NAV1: variants seen among roughly 807,000 people sequenced by gnomAD.
The protein encoded by NAV1 is neuron navigator 1.
Under a neutral mutation model 175.2 loss-of-function variants are expected in NAV1, and 18 were observed. The ratio of observed to expected loss-of-function variants is 0.10; its 90% CI spans 0.07 to 0.15. The LOEUF (loss-of-function observed/expected upper bound fraction) is 0.15. Among genes scored for constraint, NAV1 ranks in the 10% least tolerant of loss-of-function variants. NAV1 has a pLI of 1.00. For synonymous variants in NAV1, 897 were observed against 978.7 expected (o/e 0.92, Z 1.56); for missense variants, 1,731 against 2,436.6 (o/e 0.71, Z 6.10).
intron 3 of NAV1, among the ~76,000 whole-genome samples, chr1:201,753,393 G>A (rs915042475): frequency 7.9e-5 from 12 of 152,244 alleles, no homozygotes; most frequent in African/African-American, 2.9e-4. Context: ...ATTAAATTCC[G>A]CTATCCACTG....
At chr1:201,761,133 A>G (rs1052195314) in intron 3 of NAV1, among the ~76,000 whole-genome samples, 2 of 152,204 alleles carry the variant, frequency 1.3e-5, no homozygotes, top group Admixed American at 1.3e-4. Flanking sequence ...GAACAGAAAA[A>G]AGATGACCTC....
chr1:201,644,258 G>A (rs938706849), upstream of NAV1, among the ~76,000 whole-genome samples: 3 of 152,202 alleles, frequency 2.0e-5, no homozygotes, highest in South Asian at 2.1e-4. Context: ...GTAAATGGCC[G>A]AGTGGGAGGG....
chr1:201,598,490 C>T (rs1001831563), intron 2 of NAV1, among the ~76,000 whole-genome samples: 3 of 152,108 alleles, frequency 2.0e-5, no homozygotes, highest in South Asian at 2.1e-4. Context: ...GGCGTGGGGC[C>T]GGGAGAACAA....
intron 3 of NAV1, among the ~76,000 whole-genome samples, chr1:201,725,926 C>T (rs537001871): frequency 1.3e-5 from 2 of 152,196 alleles, no homozygotes; most frequent in Non-Finnish European, 2.9e-5. Context: ...CCCTGCACAC[C>T]AGCCTGGGCG....
In NAV1 at chr1:201,718,213, G is replaced by C. The variant is rs145884484; in HGVS notation, c.861-177G>C. Among the ~76,000 whole-genome samples, 4 of 152,126 alleles carry C rather than the reference G, an allele frequency of 2.6e-5. No homozygotes were observed. Among genetic ancestry groups the C allele is most frequent in the Non-Finnish European group, 5.9e-5 (4 of 68,030 alleles). On this transcript the variant is annotated intron_variant, in intron 2 of 29. Coordinates refer to ENST00000367296, the Ensembl canonical transcript of NAV1. The surrounding 1 kb of genome is among the most constrained non-coding windows in gnomAD (Gnocchi z 4.8). ...TCATTTCCTTTGTCAAACAGATAAC[G>C]TATCACAAAGGTAACACACAACCAG...
At chr1:201,677,714 G>A (rs901304626) in intron 1 of NAV1, among the ~76,000 whole-genome samples, 2 of 152,186 alleles carry the variant, frequency 1.3e-5, no homozygotes, top group African/African-American at 2.4e-5. Flanking sequence ...TGCAACCTTC[G>A]CCTCCCAGGC....
rs2292822 is a variant in NAV1 at position 201,808,440 on chromosome 1, C to G, written c.3868C>G (p.His1290Asp). The change falls in exon 19 of 30, where the codon CAC (histidine) becomes GAC (aspartate). Residue 1290 changes from histidine (H) to aspartate (D), a missense_variant. By Grantham distance (81) the His-to-Asp change is moderately conservative. Around this residue, in one of 13 missense-constraint regions of NAV1, gnomAD observed 146 missense variants for 176.8 expected, o/e 0.83. Transcript: ENST00000367296. The surrounding 1 kb of genome is among the most constrained non-coding windows in gnomAD (Gnocchi z 5.5). ...CAGGGGCCCTGCTCACCCAGCCCCC[C>G]ACACTAGGCTGTTCCATGCAAATGA... The G allele has an allele frequency of 0.011, 18,286 of 1,613,358 alleles. 1,128 individuals are homozygous for G. In the East Asian group the frequency reaches 0.21, roughly 18 times the overall value.
chr1:201,820,776 C>T (rs1453311519), exon 30 of NAV1: 2 of 151,894 alleles, frequency 1.3e-5, no homozygotes, highest in African/African-American at 4.8e-5. Context: ...ATTTTGTTTT[C>T]ATTTTTTTCT....
chr1:201,767,578 G>A (rs1675295561), intron 3 of NAV1, among the ~76,000 whole-genome samples: 1 of 152,126 alleles, frequency 6.6e-6, no homozygotes, highest in Non-Finnish European at 1.5e-5. Context: ...AGATAATTAA[G>A]ATATATTTTC....
chr1:201,556,620 C>T (rs953946502), intron 1 of NAV1, among the ~76,000 whole-genome samples: 5 of 152,084 alleles, frequency 3.3e-5, no homozygotes, highest in Admixed American at 2.0e-4. Flanking sequence ...AACTGGGGGG[C>T]CTTCCAGGCA....
exon 7 of NAV1, chr1:201,783,844 A>G: frequency 1.9e-6 from 3 of 1,610,038 alleles, no homozygotes; most frequent in Non-Finnish European, 2.5e-6. Context: ...GAGCTGGGCA[A>G]CTGGACAGGT....
At chr1:201,706,909 G>A (rs190164429) in intron 1 of NAV1, among the ~76,000 whole-genome samples, 9 of 152,142 alleles carry the variant, frequency 5.9e-5, no homozygotes, top group South Asian at 2.1e-4. Context: ...CTTCCTGAAC[G>A]TCTCTGAATT....
At chr1:201,559,237 C>T (rs1291557351) in intron 1 of NAV1, among the ~76,000 whole-genome samples, 2 of 152,056 alleles carry the variant, frequency 1.3e-5, no homozygotes, top group Non-Finnish European at 2.9e-5. Context: ...ACGGGCCTGC[C>T]GAGAGGCTAC....
intron 22 of NAV1, among the ~76,000 whole-genome samples, 156 bp from the exon 27 acceptor site, chr1:201,809,790 G>T (rs936764959): frequency 6.6e-6 from 1 of 152,130 alleles, no homozygotes; most frequent in Non-Finnish European, 1.5e-5. Flanking sequence ...GGATCCTGGG[G>T]ACCTTTGAGG....
intron 2 of NAV1, among the ~76,000 whole-genome samples, chr1:201,638,255 A>T (rs1478730904): frequency 6.6e-6 from 1 of 152,230 alleles, no homozygotes; most frequent in Non-Finnish European, 1.5e-5. Flanking sequence ...TGTCAGGTCC[A>T]CTAAAAGTGG....
intron 3 of NAV1, among the ~76,000 whole-genome samples, chr1:201,763,545 A>G (rs1674995696): frequency 6.6e-6 from 1 of 152,212 alleles, no homozygotes; most frequent in Non-Finnish European, 1.5e-5. Flanking sequence ...AAAAAGGGAA[A>G]TCTCTGAAAC....
At chr1:201,721,951 C>T (rs889437061) in intron 3 of NAV1, among the ~76,000 whole-genome samples, 4 of 152,198 alleles carry the variant, frequency 2.6e-5, no homozygotes, top group African/African-American at 7.2e-5. Flanking sequence ...AGGCCCCTTT[C>T]AGGTCATTAG....
intron 1 of NAV1, among the ~76,000 whole-genome samples, chr1:201,712,311 AT>A (rs1295754187): frequency 6.6e-6 from 1 of 152,186 alleles, no homozygotes; most frequent in Non-Finnish European, 1.5e-5. Flanking sequence ...GTGACATCAG[AT>A]TGGTAGATTG....
intron 1 of NAV1, among the ~76,000 whole-genome samples, chr1:201,552,167 G>A (rs1665873853): frequency 6.6e-6 from 1 of 152,192 alleles, no homozygotes; most frequent in African/African-American, 2.4e-5. Context: ...TGGCAGGGAG[G>A]GGGCCAGAGG....
Sources: allele counts gnomAD v4.1 joint callset (sites outside exome capture counted in the v4.1 genomes callset), GRCh38; gene constraint gnomAD v4.1.1; regional missense constraint gnomAD v4.1.1; non-coding constraint Gnocchi (gnomAD v3.1); transcripts MANE v1.5; gene names NCBI Gene and HGNC (gene_info 2026-07-23, HGNC 2026-07-21).